The following METAP1 variants were observed in gnomAD, a reference collection of about 807,000 sequenced individuals.
METAP1 encodes methionyl aminopeptidase 1, also known as methionine aminopeptidase 1.
In METAP1, 28 loss-of-function variants were observed where a neutral mutation model predicts 53.8. That is an observed-to-expected ratio of 0.52 (90% CI 0.39 to 0.71). METAP1 has a LOEUF of 0.71. METAP1 is among the 30% of genes least tolerant of loss of function. The pLI is 0.00. For synonymous variants in METAP1, 181 were observed against 165.7 expected, an observed-to-expected ratio of 1.09 and a Z score of -0.71; for missense variants, 389 against 479.8, an observed-to-expected ratio of 0.81 and a Z score of 1.77.
At chr4:99,045,991 C>T (rs1485167082) in intron 8 of METAP1, among the ~76,000 whole-genome samples, 1 of 152,070 alleles carries the variant, frequency 6.6e-6, no homozygotes, top group African/African-American at 2.4e-5. Flanking sequence ...TTGGTGCTTT[C>T]CAGATTTCTT....
chr4:99,033,750 TA>T (rs1410320946), intron 2 of METAP1, among the ~76,000 whole-genome samples: 1 of 152,200 alleles, frequency 6.6e-6, no homozygotes, highest in African/African-American at 2.4e-5. Flanking sequence ...TTGTGAGAAA[TA>T]ATTATTTTTG....
intron 2 of METAP1, among the ~76,000 whole-genome samples, chr4:99,029,202 C>T (rs973183354): frequency 6.6e-6 from 1 of 152,110 alleles, no homozygotes; most frequent in Non-Finnish European, 1.5e-5. Context: ...TCTTTTGACA[C>T]ACTGTTATGT....
In METAP1 at chr4:99,062,704, G is replaced by A. The variant is rs1449352056; in HGVS notation, c.*1387G>A. 1 of 152,628 alleles carries A rather than the reference G, an allele frequency of 6.6e-6. No homozygotes were observed. Among genetic ancestry groups the A allele is most frequent in the Non-Finnish European group, 1.5e-5 (1 of 68,042 alleles). 9.5% of individuals were successfully genotyped at this position (152,628 alleles called of 1,614,324 possible). The stretch of plus-strand genomic sequence containing the variant: ...TCTGGTATAGACTTTGGGAGTATGT[G>A]TGTGAAGTTTTTATCAAACTGTAAT... On this transcript the variant is annotated 3_prime_UTR_variant, in exon 11 of 11. Coordinates refer to ENST00000296411, the MANE Select transcript of METAP1 (RefSeq NM_015143.3).
At chr4:99,004,514 A>C (rs868720216) in intron 1 of METAP1, among the ~76,000 whole-genome samples, 2 of 146,196 alleles carry the variant, frequency 1.4e-5, no homozygotes, top group South Asian at 2.2e-4. Flanking sequence ...CACACACACA[A>C]AATAACACAG....
intron 1 of METAP1, chr4:99,022,386 T>G: frequency 1.2e-6 from 1 of 838,806 alleles, no homozygotes; most frequent in African/African-American, 1.8e-5. Flanking sequence ...TGGCCAGGAG[T>G]GCTTTGTTGG....
intron 7 of METAP1, among the ~76,000 whole-genome samples, chr4:99,043,902 G>A (rs970846258): frequency 6.6e-6 from 1 of 152,066 alleles, no homozygotes; most frequent in African/African-American, 2.4e-5. Flanking sequence ...CATTAATGAA[G>A]GCTTTCCTAG....
In METAP1 at chr4:99,061,308, T is replaced by A; in HGVS notation, c.1152T>A (p.Ser384=). Reference sequence around the variant, plus strand: ...ACAGTGCACGGCCTCACTTCATGTCTCAATTTTAATTTCTCCCAAGATGGC... The same window carrying A: ...ACAGTGCACGGCCTCACTTCATGTCACAATTTTAATTTCTCCCAAGATGGC... ...RLDSARPHFM[S]QF The change falls in exon 11 of 11, where the codon TCT becomes TCA. Residue 384 remains serine, a synonymous_variant. Coordinates refer to ENST00000296411, the MANE Select transcript of METAP1 (RefSeq NM_015143.3). 6.2e-7 allele frequency: 1 copy of A among 1,612,162 alleles called. No homozygotes were observed. Among genetic ancestry groups the A allele is most frequent in the Admixed American group, 1.7e-5 (1 of 59,722 alleles).
At chr4:99,013,140 A>G (rs183245167) in intron 1 of METAP1, among the ~76,000 whole-genome samples, 66 of 152,198 alleles carry the variant, frequency 4.3e-4, no homozygotes, top group Admixed American at 8.5e-4. Flanking sequence ...TCATTTCCAC[A>G]TATTTGTGGA....
chr4:99,019,064 G>A (rs1723938733), intron 1 of METAP1, among the ~76,000 whole-genome samples: 1 of 152,194 alleles, frequency 6.6e-6, no homozygotes, highest in African/African-American at 2.4e-5. Flanking sequence ...TAACAAATTA[G>A]TGCCTGCTTC....
chr4:99,014,750 G>A (rs932068295), intron 1 of METAP1, among the ~76,000 whole-genome samples: 5 of 152,146 alleles, frequency 3.3e-5, no homozygotes, highest in Non-Finnish European at 2.9e-5. Context: ...CAGTTATATG[G>A]CAGAGTATCC....
intron 1 of METAP1, among the ~76,000 whole-genome samples, chr4:99,014,713 A>G (rs1052904912): frequency 6.6e-6 from 1 of 152,182 alleles, no homozygotes; most frequent in Non-Finnish European, 1.5e-5. Context: ...AGGGATAGCC[A>G]ATTGGACTAG....
intron 1 of METAP1, among the ~76,000 whole-genome samples, chr4:99,006,669 A>G (rs1238208709): frequency 1.3e-5 from 2 of 152,196 alleles, no homozygotes; most frequent in African/African-American, 4.8e-5. Context: ...TTTCTCAATT[A>G]TCTCCCAAAT....
intron 1 of METAP1, among the ~76,000 whole-genome samples, chr4:99,013,261 T>G (rs1207850176): frequency 2.0e-5 from 3 of 152,192 alleles, no homozygotes; most frequent in African/African-American, 7.2e-5. Flanking sequence ...ATATTTTTAT[T>G]TTCTATAAAT....
Position 99,062,754 on chromosome 4 carries a change from TATGA to T in METAP1, c.*1441_*1444del. 6.5e-6 allele frequency: 1 copy of T among 152,762 alleles called. No homozygotes were observed. The highest frequency in any genetic ancestry group is 3.4e-3 in the Middle Eastern group (1 of 294). The allele number at this position is 152,762 out of a possible 1,614,324, so 9.5% of individuals were successfully genotyped here. On this transcript the variant is annotated 3_prime_UTR_variant, in exon 11 of 11. Coordinates refer to ENST00000296411, the MANE Select transcript of METAP1 (RefSeq NM_015143.3). ...TATTTGTGAATGGAATGCCTTGCAA[TATGA>T]ATGTTAATATAATGTGTAAAGGGAG...
At chr4:99,057,882 A>G in intron 10 of METAP1, 64 bp downstream of exon 10, 1 of 1,382,740 alleles carries the variant, frequency 7.2e-7, no homozygotes, top group South Asian at 1.3e-5. Context: ...GTAATTCATC[A>G]TGTCAGTGGT....
rs1727616021 is a variant in METAP1, at chr4:99,062,581, GA to G, written c.*1266del. 1 of 152,628 alleles carries G rather than the reference GA, an allele frequency of 6.6e-6. No individual in the cohort carries two copies. Among genetic ancestry groups the G allele is most frequent in the Non-Finnish European group, 1.5e-5 (1 of 68,044 alleles). The allele number at this position is 152,628 out of a possible 1,614,324, so 9.5% of individuals were successfully genotyped here. A position where few individuals can be genotyped will look rare whatever the true frequency, so the allele number is the denominator to read the frequency against. ...CCACTGACACATTATACTTGTAAGA[GA>G]ACATCTTTCCCAGAGTGCCTCAGAC... On this transcript the variant is annotated 3_prime_UTR_variant, in exon 11 of 11. Coordinates refer to ENST00000296411, the MANE Select transcript of METAP1 (RefSeq NM_015143.3).
chr4:99,057,015 GCCA>G (rs1727189727), intron 9 of METAP1, among the ~76,000 whole-genome samples: 1 of 151,858 alleles, frequency 6.6e-6, no homozygotes, highest in Non-Finnish European at 1.5e-5. Context: ...TCAGGTGCAC[GCCA>G]CCACACCTGG....
At chr4:99,060,108 A>G (rs1727435244) in intron 10 of METAP1, among the ~76,000 whole-genome samples, 1 of 152,158 alleles carries the variant, frequency 6.6e-6, no homozygotes, top group Non-Finnish European at 1.5e-5. Flanking sequence ...CTGATTTTTT[A>G]ATTGTAAAAT....
chr4:99,028,747 A>G (rs1422743425), intron 1 of METAP1, 120 bp from the exon 2 acceptor site: 2 of 583,586 alleles, frequency 3.4e-6, no homozygotes, highest in Non-Finnish European at 5.7e-6. Context: ...TTAATTCGCA[A>G]AGTTACAGGT....
Sources: allele counts gnomAD v4.1 joint callset (sites outside exome capture counted in the v4.1 genomes callset), GRCh38; gene constraint gnomAD v4.1.1; transcripts MANE v1.5; gene names NCBI Gene and HGNC (gene_info 2026-07-23, HGNC 2026-07-21).